Variants in ADAMTSL1 observed in about 807,000 individuals in gnomAD.
ADAMTSL1 encodes the protein ADAMTS like 1, also known as ADAMTS-like protein 1.
A neutral mutation model predicts 201.8 loss-of-function variants in ADAMTSL1; 126 were observed. That is an observed-to-expected ratio of 0.62 (90% CI 0.54 to 0.72). ADAMTSL1 has a LOEUF of 0.72. ADAMTSL1 is among the 30% of genes least tolerant of loss of function. The probability of loss-of-function intolerance (pLI) is 0.00; values close to 1 mark genes in which losing one functional copy is unlikely to be tolerated. For missense variants in ADAMTSL1, 2,679 were observed against 2,277.8 expected (o/e 1.18, Z -3.59); for synonymous variants, 1,121 against 903.4 (o/e 1.24, Z -4.32).
Position 18,474,153 on chromosome 9 carries a change from A to G in ADAMTSL1, c.-80A>G, listed in dbSNP as rs1821333051. 3.1e-6 allele frequency: 4 copies of G among 1,271,306 alleles called. 1 individual carries two copies. Among genetic ancestry groups the G allele is most frequent in the South Asian group, 2.4e-5 (2 of 81,866 alleles). 78.8% of individuals were successfully genotyped at this position (1,271,306 alleles called of 1,614,324 possible). ...TAGGCAGGACTGGAGTGTTAGCACCAGTACTGGATGTGACAGCAGGCAGAG... is the reference window on the plus strand; with the variant it reads ...TAGGCAGGACTGGAGTGTTAGCACCGGTACTGGATGTGACAGCAGGCAGAG... On this transcript the variant is annotated 5_prime_UTR_variant, in exon 1 of 29. Transcript: ENST00000380548.
intron 3 of ADAMTSL1, among the ~76,000 whole-genome samples, chr9:18,540,213 A>T (rs1462668619): frequency 1.3e-5 from 2 of 152,222 alleles, no homozygotes; most frequent in African/African-American, 2.4e-5. Context: ...GTATAATATT[A>T]ACAGAGAAAG....
At chr9:18,416,990 C>A (rs906321868) in intron 2 of ADAMTSL1, among the ~76,000 whole-genome samples, 1 of 151,376 alleles carries the variant, frequency 6.6e-6, no homozygotes, top group Non-Finnish European at 1.5e-5. Context: ...GTAGATGGCA[C>A]AATTACCTCA....
intron 1 of ADAMTSL1, among the ~76,000 whole-genome samples, chr9:18,056,510 T>C (rs1365741167): frequency 6.6e-6 from 1 of 152,102 alleles, no homozygotes; most frequent in East Asian, 1.9e-4. Context: ...CTGTTGGCAC[T>C]CCCTTGCTCA....
At chr9:17,970,373 A>C (rs1485870477) in intron 1 of ADAMTSL1, among the ~76,000 whole-genome samples, 1 of 151,990 alleles carries the variant, frequency 6.6e-6, no homozygotes, top group Non-Finnish European at 1.5e-5. Context: ...TCATGTGAGC[A>C]TCTATGCCAT....
intron 2 of ADAMTSL1, among the ~76,000 whole-genome samples, chr9:18,310,947 A>G (rs1834127210): frequency 6.6e-6 from 1 of 152,200 alleles, no homozygotes; most frequent in African/African-American, 2.4e-5. Context: ...AAGACTTGGA[A>G]CCAACCCAAA....
rs374351109 is a variant in ADAMTSL1 at position 18,795,547 on chromosome 9, G to A, written c.3805+23G>A. On this transcript the variant is annotated intron_variant, in intron 20 of 28. Coordinates refer to ENST00000380548, the MANE Select transcript of ADAMTSL1 (RefSeq NM_001040272.6). ...CAGGTAACCCAAAAATCCCTGTTCT[G>A]TTCATTTCATAAACCTTTATTGAAT... 51 of 1,588,048 alleles carry A rather than the reference G, an allele frequency of 3.2e-5. No homozygotes were observed. In the East Asian group the frequency reaches 1.1e-3, roughly 34 times the overall value.
At chr9:18,341,806 G>A (rs1026882335) in intron 2 of ADAMTSL1, among the ~76,000 whole-genome samples, 6 of 152,048 alleles carry the variant, frequency 3.9e-5, no homozygotes, top group Non-Finnish European at 8.8e-5. Flanking sequence ...CATTGCTTAT[G>A]TAGACATAAA....
intron 7 of ADAMTSL1, among the ~76,000 whole-genome samples, chr9:18,641,341 C>T (rs35277167): frequency 0.11 from 17,019 of 152,064 alleles, 1,283 homozygotes; most frequent in Non-Finnish European, 0.16. Flanking sequence ...ACCTAATAAG[C>T]ACTAACAACT....
chr9:18,786,361 G>T (rs895954263), intron 19 of ADAMTSL1, among the ~76,000 whole-genome samples: 1 of 152,182 alleles, frequency 6.6e-6, no homozygotes, highest in African/African-American at 2.4e-5. Flanking sequence ...GGCAGCCCAC[G>T]GTGGTAGGAG....
chr9:18,662,120 C>A (rs1338286528), intron 9 of ADAMTSL1, 47 bp downstream of exon 9: 2 of 1,576,526 alleles, frequency 1.3e-6, no homozygotes, highest in South Asian at 2.4e-5. Flanking sequence ...AACTCAAGTT[C>A]CAAATAGGTT....
Position 18,531,492 on chromosome 9 carries a change from A to T in ADAMTSL1, c.192-1755A>T, listed in dbSNP as rs539281507. On this transcript the variant is annotated intron_variant, in intron 2 of 28. Coordinates refer to ENST00000380548, the MANE Select transcript of ADAMTSL1 (RefSeq NM_001040272.6). ...CATGCTCCTTATTTCTATGGTTTCA[A>T]TGTGTGGCCAGCCATTCCTTTTCTA... 2.0e-5 allele frequency among the ~76,000 whole-genome samples: 3 copies of T among 152,264 alleles called. No individual in the cohort carries two copies. The East Asian group carries it at 5.8e-4, about 29-fold the overall frequency.
chr9:18,645,616 G>C (rs923417729), intron 7 of ADAMTSL1, among the ~76,000 whole-genome samples: 1 of 151,878 alleles, frequency 6.6e-6, no homozygotes, highest in African/African-American at 2.4e-5. Context: ...TGGCTAGCCA[G>C]TTTTCCCAGC....
intron 1 of ADAMTSL1, among the ~76,000 whole-genome samples, chr9:18,123,804 A>T (rs1428444350): frequency 6.6e-6 from 1 of 152,186 alleles, no homozygotes; most frequent in Non-Finnish European, 1.5e-5. Flanking sequence ...TCTATTTCAT[A>T]TCTCTGGATT....
intron 15 of ADAMTSL1, among the ~76,000 whole-genome samples, chr9:18,732,329 G>A (rs1818262061): frequency 6.6e-6 from 1 of 152,204 alleles, no homozygotes; most frequent in African/African-American, 2.4e-5. Context: ...CTCTTAGGCA[G>A]TTAGACAACA....
At chr9:18,895,051 C>CAA (rs1387266368) in intron 26 of ADAMTSL1, among the ~76,000 whole-genome samples, 1 of 152,180 alleles carries the variant, frequency 6.6e-6, no homozygotes, top group African/African-American at 2.4e-5. Context: ...GGTGCATATT[C>CAA]AAACTTGACT....
At chr9:18,608,578 ATT>A (rs1825177452) in intron 4 of ADAMTSL1, among the ~76,000 whole-genome samples, 1 of 152,160 alleles carries the variant, frequency 6.6e-6, no homozygotes, top group Admixed American at 6.5e-5. Context: ...TCATTTTTCC[ATT>A]GTCATAATAG....
intron 1 of ADAMTSL1, among the ~76,000 whole-genome samples, chr9:17,931,585 A>G (rs1826791386): frequency 6.6e-6 from 1 of 152,208 alleles, no homozygotes; most frequent in Non-Finnish European, 1.5e-5. Flanking sequence ...AGTATTTTCC[A>G]CATCGTGCCT....
chr9:18,473,109 C>A (rs1442403688), upstream of ADAMTSL1, among the ~76,000 whole-genome samples: 1 of 152,158 alleles, frequency 6.6e-6, no homozygotes, highest in Non-Finnish European at 1.5e-5. Context: ...CCATCCAACC[C>A]TCTTGCAATA....
intron 1 of ADAMTSL1, among the ~76,000 whole-genome samples, chr9:18,062,331 T>C (rs547338980): frequency 1.3e-5 from 2 of 152,306 alleles, no homozygotes; most frequent in Non-Finnish European, 2.9e-5. Context: ...GTTAAAAGTA[T>C]TGAGTTACTA....
Sources: gnomAD v4.1 joint callset for allele counts (sites outside exome capture counted in the v4.1 genomes callset) on GRCh38, gnomAD v4.1.1 for gene constraint, MANE v1.5 for transcripts, NCBI Gene and HGNC (gene_info 2026-07-23, HGNC 2026-07-21) for gene names.